Variants in CEP120 observed in about 807,000 individuals in gnomAD.
CEP120 encodes the protein centrosomal protein 120, also known as centrosomal protein of 120 kDa.
A neutral mutation model predicts 126.5 loss-of-function variants in CEP120; 113 were observed. The ratio of observed to expected loss-of-function variants is 0.89; its 90% CI spans 0.77 to 1.04. The LOEUF (loss-of-function observed/expected upper bound fraction) is 1.04. CEP120 is among the 50% of genes least tolerant of loss of function. The probability of loss-of-function intolerance (pLI) is 0.00; values close to 1 mark genes in which losing one functional copy is unlikely to be tolerated. For synonymous variants in CEP120, 400 were observed against 394.3 expected (o/e 1.01, Z -0.17); for missense variants, 1,230 against 1,155.7 (o/e 1.06, Z -0.93).
chr5:123,346,508 T>C lies in CEP120; in HGVS notation c.*11A>G, dbSNP rs1293891022. The C allele has an allele frequency of 1.8e-5, 29 of 1,589,344 alleles. No homozygotes were observed. Among genetic ancestry groups the C allele is most frequent in the Admixed American group, 3.4e-5 (2 of 58,148 alleles). ...AGACTTAGAGTCTCTATAAAGCTTT[T>C]CCAAATGTTATTAATTACTGGCATT... is the stretch of plus-strand genomic sequence containing the variant. On this transcript the variant is annotated 3_prime_UTR_variant, in exon 20 of 20. Transcript: ENST00000306467.
In CEP120 at chr5:123,386,573, A is replaced by G; in HGVS notation, c.1525T>C (p.Tyr509His). ...ATAGTTGCAAAATCAAATGCACAGT[A>G]AGACTGGGGAAGAAAAACTTCCATG... ...KNMEVFLPQSYCAFDFATMPH... is the reference protein window; with the variant it reads ...KNMEVFLPQSHCAFDFATMPH... Residue 509 changes from tyrosine to histidine, a missense_variant, in exon 10 of 20, where the codon TAC becomes CAC. Tyr to His is a moderately conservative substitution (Grantham distance 83). Coordinates refer to ENST00000306467, the MANE Select transcript of CEP120 (RefSeq NM_001375405.1). 6.3e-7 allele frequency: 1 copy of G among 1,595,722 alleles called. No individual in the cohort carries two copies. Among genetic ancestry groups the G allele is most frequent in the Non-Finnish European group, 8.5e-7 (1 of 1,171,338 alleles).
chr5:123,406,414 C>G (rs1773669275), intron 4 of CEP120, among the ~76,000 whole-genome samples: 1 of 150,002 alleles, frequency 6.7e-6, no homozygotes, highest in Non-Finnish European at 1.5e-5. Flanking sequence ...AAACTTGCTG[C>G]TAGGCATCCC....
intron 18 of CEP120, among the ~76,000 whole-genome samples, chr5:123,357,319 C>G (rs1769710605): frequency 6.6e-6 from 1 of 151,944 alleles, no homozygotes; most frequent in Non-Finnish European, 1.5e-5. Context: ...GAAGTGATAT[C>G]TTTTTTACTT....
chr5:123,378,366 T>C lies in CEP120; in HGVS notation c.2166A>G (p.Arg722=), dbSNP rs1371909438. 1 of 1,609,028 alleles carries C rather than the reference T, an allele frequency of 6.2e-7. No individual in the cohort carries two copies. Among genetic ancestry groups the C allele is most frequent in the East Asian group, 2.2e-5 (1 of 44,566 alleles). Residue 722 remains arginine, a synonymous_variant, in exon 15 of 20, where the codon CGA becomes CGG. Transcript: ENST00000306467. ...ATTCCACACTAGCAAGCTGCTGCTCTCGCTTCTCCAAGTCAATTAGAGTTT... is the reference window on the plus strand; with the variant it reads ...ATTCCACACTAGCAAGCTGCTGCTCCCGCTTCTCCAAGTCAATTAGAGTTT... ...LQKTLIDLEK[R]EQQLASVESE...
In CEP120 at chr5:123,375,790, T is replaced by C. The variant is rs146908752; in HGVS notation, c.2358+1584A>G. Among the ~76,000 whole-genome samples the C allele has an allele frequency of 5.5e-3, 844 of 152,258 alleles. 7 individuals carry two copies. The highest frequency in any genetic ancestry group is 0.019 in the African/African-American group (784 of 41,566). ...TCATAATTGCCCACTTTTACAACTT[T>C]ATCTTTTGTATTTTAAACAAGACTA... On this transcript the variant is annotated intron_variant, in intron 16 of 19. Coordinates refer to ENST00000306467, the MANE Select transcript of CEP120 (RefSeq NM_001375405.1).
intron 4 of CEP120, 103 bp from the exon 5 acceptor site, chr5:123,399,387 T>A: frequency 2.8e-6 from 3 of 1,069,204 alleles, no homozygotes; most frequent in Non-Finnish European, 4.1e-6. Flanking sequence ...GTAATTTTCA[T>A]GAATACAGTT....
chr5:123,361,003 A>G (rs2126994257), intron 18 of CEP120, among the ~76,000 whole-genome samples: 1 of 149,160 alleles, frequency 6.7e-6, no homozygotes, highest in East Asian at 2.0e-4. Context: ...TCAATAAAAA[A>G]CATGTCAATT....
intron 8 of CEP120, 106 bp from the exon 9 acceptor site, chr5:123,388,712 T>C: frequency 1.2e-6 from 1 of 847,328 alleles, no homozygotes. Context: ...TAAGCAGGAA[T>C]TGGGCTATTT....
chr5:123,419,553 C>CAAAAAAAA (rs566909063), intron 1 of CEP120, among the ~76,000 whole-genome samples: 58 of 135,072 alleles, frequency 4.3e-4, no homozygotes, highest in Admixed American at 5.9e-4. Context: ...AAAACAAAAA[C>CAAAAAAAA]AAAAAAAAAA....
intron 19 of CEP120, 71 bp downstream of exon 19, chr5:123,349,873 G>T: frequency 8.1e-7 from 1 of 1,227,168 alleles, no homozygotes; most frequent in Non-Finnish European, 1.2e-6. Flanking sequence ...CTTTATCCTT[G>T]GGAGACCTCA....
intron 1 of CEP120, among the ~76,000 whole-genome samples, chr5:123,420,883 G>A (rs148458497): frequency 1.4e-4 from 21 of 152,308 alleles, no homozygotes; most frequent in African/African-American, 4.8e-4. Context: ...AGTTAGAAAT[G>A]GAGAGTGAAT....
chr5:123,417,152 G>A (rs1774436985), intron 2 of CEP120, among the ~76,000 whole-genome samples: 1 of 152,078 alleles, frequency 6.6e-6, no homozygotes, highest in Non-Finnish European at 1.5e-5. Flanking sequence ...CAAAATGGAA[G>A]CCCTAACAGC....
chr5:123,350,207 C>G, intron 18 of CEP120, 118 bp from the exon 19 acceptor site: 1 of 865,866 alleles, frequency 1.2e-6, no homozygotes, highest in Admixed American at 3.6e-5. Context: ...CACACACTGC[C>G]AATTCTTTTT....
In CEP120 at chr5:123,418,375, C is replaced by G. The variant is rs1774503841; in HGVS notation, c.190G>C (p.Ala64Pro). ...GATAATCACCTGTGCTGATGAAGCG[C>G]TTTCCTGTCAATTTCCCAAGCTAAC... is the stretch of plus-strand genomic sequence containing the variant. ...TELAWEIDRK[A>P]LHQHRLQRTP... Residue 64 changes from alanine (A) to proline (P), a missense_variant, in exon 2 of 20, where the codon GCG becomes CCG. Ala to Pro is a conservative substitution (Grantham distance 27). Coordinates refer to ENST00000306467, the MANE Select transcript of CEP120 (RefSeq NM_001375405.1). 1 of 1,603,252 alleles carries G rather than the reference C, an allele frequency of 6.2e-7. No individual in the cohort carries two copies. Among genetic ancestry groups the G allele is most frequent in the Admixed American group, 1.7e-5 (1 of 58,858 alleles).
chr5:123,364,150 C>T (rs907819305), intron 18 of CEP120, among the ~76,000 whole-genome samples: 1 of 151,450 alleles, frequency 6.6e-6, no homozygotes, highest in Non-Finnish European at 1.5e-5. Context: ...AGAAAATGTT[C>T]AAGTTATCCT....
intron 18 of CEP120, among the ~76,000 whole-genome samples, chr5:123,350,816 G>A (rs1424075856): frequency 6.6e-6 from 1 of 152,026 alleles, no homozygotes; most frequent in Non-Finnish European, 1.5e-5. Flanking sequence ...AATTCTTCAG[G>A]TCAATAGATA....
chr5:123,369,828 T>G (rs1377482271), intron 17 of CEP120, among the ~76,000 whole-genome samples: 1 of 152,016 alleles, frequency 6.6e-6, no homozygotes, highest in Non-Finnish European at 1.5e-5. Flanking sequence ...ATTCATTTAT[T>G]TTTTTACTCT....
intron 4 of CEP120, among the ~76,000 whole-genome samples, chr5:123,407,294 T>C (rs745393378): frequency 6.6e-6 from 1 of 152,092 alleles, no homozygotes; most frequent in Non-Finnish European, 1.5e-5. Context: ...ATAGTTTAAA[T>C]GCACCAGTTA....
At position 123,406,586 on chromosome 5, in the gene CEP120, G is replaced by GAA. The variant is rs201100015; in HGVS notation, c.463+5811_463+5812dup. Among the ~76,000 whole-genome samples the GAA allele has an allele frequency of 8.1e-3, 1,101 of 135,768 alleles. 8 individuals are homozygous for GAA. The highest frequency in any genetic ancestry group is 0.022 in the African/African-American group (823 of 37,456). The allele number at this position is 135,768 out of a possible 152,430, so 89.1% of individuals were successfully genotyped here. A position where few individuals can be genotyped will look rare whatever the true frequency, so the allele number is the denominator to read the frequency against. On this transcript the variant is annotated intron_variant, in intron 4 of 19. Transcript: ENST00000306467. Reference sequence around the variant, plus strand: ...TAGAGTGAAGTATTTACAATGTTGAGAAAAAAAAAAAAAACCACCACCCTA... The same window carrying GAA: ...TAGAGTGAAGTATTTACAATGTTGAGAAAAAAAAAAAAAAAACCACCACCCTA...
Sources: allele counts gnomAD v4.1 joint callset (sites outside exome capture counted in the v4.1 genomes callset), GRCh38; gene constraint gnomAD v4.1.1; transcripts MANE v1.5; gene names NCBI Gene and HGNC (gene_info 2026-07-23, HGNC 2026-07-21).